The following PTPRN2 variants were observed in gnomAD, a reference collection of about 807,000 sequenced individuals.
PTPRN2 encodes protein tyrosine phosphatase receptor type N2.
PTPRN2 carries 74 observed loss-of-function variants against 118.8 expected under a neutral mutation model. That is an observed-to-expected ratio of 0.62 (90% CI 0.52 to 0.76). The LOEUF is 0.76. Ranked by LOEUF, PTPRN2 falls within the 30% of genes least tolerant of loss-of-function variation. The pLI, the probability that PTPRN2 is intolerant of heterozygous loss-of-function variation, is 0.00. For synonymous variants in PTPRN2, 641 were observed against 608.0 expected, an observed-to-expected ratio of 1.05 and a Z score of -0.80; for missense variants, 1,481 against 1,394.4, an observed-to-expected ratio of 1.06 and a Z score of -0.99.
chr7:157,710,713 C>T (rs555966065), intron 12 of PTPRN2, among the ~76,000 whole-genome samples: 36 of 152,312 alleles, frequency 2.4e-4, no homozygotes, highest in African/African-American at 7.9e-4. Flanking sequence ...GTGCCTACTG[C>T]CTGCCGCCTG....
chr7:158,021,726 A>T (rs1390198405), intron 11 of PTPRN2, among the ~76,000 whole-genome samples: 1 of 152,100 alleles, frequency 6.6e-6, no homozygotes, highest in African/African-American at 2.4e-5. Context: ...CCCCACCTCG[A>T]TCTCTGATGT....
chr7:158,106,188 T>C (rs368533577), intron 10 of PTPRN2, among the ~76,000 whole-genome samples: 1 of 151,864 alleles, frequency 6.6e-6, no homozygotes, highest in Non-Finnish European at 1.5e-5. Context: ...CCCTGATCTA[T>C]CTTAGCTCTA....
intron 12 of PTPRN2, among the ~76,000 whole-genome samples, chr7:157,833,740 G>A (rs1010718804): frequency 1.4e-4 from 21 of 152,222 alleles, no homozygotes; most frequent in Non-Finnish European, 2.4e-4. Flanking sequence ...GATCTTATCC[G>A]CTGCTTCAAT....
chr7:157,756,602 G>C (rs1030653654), intron 12 of PTPRN2, among the ~76,000 whole-genome samples: 20 of 152,174 alleles, frequency 1.3e-4, no homozygotes, highest in Non-Finnish European at 2.6e-4. Flanking sequence ...TCAGCCTCCT[G>C]TTTTGTGGAG....
At position 158,557,135 on chromosome 7, in the gene PTPRN2, G is replaced by A. The variant is rs1467882701; in HGVS notation, c.112+30423C>T. On this transcript the variant is annotated intron_variant, in intron 1 of 22. Coordinates refer to ENST00000389418, the MANE Select transcript of PTPRN2 (RefSeq NM_002847.5). Reference sequence around the variant, plus strand: ...CAGGTCGCTCCCGCGCAGGGCAGGCGGCTCCCGGGCAGGGCAGGCGGCTCC... The same window carrying A: ...CAGGTCGCTCCCGCGCAGGGCAGGCAGCTCCCGGGCAGGGCAGGCGGCTCC... Among the ~76,000 whole-genome samples, 8 of 117,300 alleles carry A rather than the reference G, an allele frequency of 6.8e-5. No homozygotes were observed. In the East Asian group the frequency reaches 1.1e-3, roughly 17 times the overall value. The allele number at this position is 117,300 out of a possible 152,430, so 77.0% of individuals were successfully genotyped here. A position where few individuals can be genotyped will look rare whatever the true frequency, so the allele number is the denominator to read the frequency against.
In PTPRN2 at chr7:157,729,445, C is replaced by T. The variant is rs962085772; in HGVS notation, c.1789-46508G>A. Among the ~76,000 whole-genome samples, 1 of 152,110 alleles carries T rather than the reference C, an allele frequency of 6.6e-6. No homozygotes were observed. Among genetic ancestry groups the T allele is most frequent in the Admixed American group, 6.5e-5 (1 of 15,274 alleles). ...TCAGCAGCTCCGTGCATAGGGACTC[C>T]TGGGAAGACTTCTCTTTGAGGAAAT... On this transcript the variant is annotated intron_variant, in intron 12 of 22. Coordinates refer to ENST00000389418, the MANE Select transcript of PTPRN2 (RefSeq NM_002847.5). This position sits in a 1 kb window ranked among gnomAD's most constrained non-coding sequence, Gnocchi z 4.3.
intron 2 of PTPRN2, among the ~76,000 whole-genome samples, chr7:158,487,986 C>T (rs950220329): frequency 6.6e-6 from 1 of 151,812 alleles, no homozygotes; most frequent in East Asian, 1.9e-4. Context: ...GATGTTGAGA[C>T]GACTCTATGT....
chr7:157,832,441 TG>T (rs1490953457), intron 12 of PTPRN2, among the ~76,000 whole-genome samples: 1 of 152,096 alleles, frequency 6.6e-6, no homozygotes, highest in Non-Finnish European at 1.5e-5. Context: ...TTTGGGAAGG[TG>T]GAAGTCAAGA....
intron 11 of PTPRN2, among the ~76,000 whole-genome samples, chr7:158,075,281 C>T (rs893637171): frequency 6.6e-5 from 10 of 152,184 alleles, no homozygotes; most frequent in Non-Finnish European, 1.0e-4. Context: ...CCATCCAAAC[C>T]GAAACTTGTT....
intron 9 of PTPRN2, among the ~76,000 whole-genome samples, chr7:158,131,613 C>T (rs758964474): frequency 5.1e-4 from 77 of 151,712 alleles, no homozygotes; most frequent in Non-Finnish European, 4.9e-4. Context: ...CAAACCAATA[C>T]ACATCTACCC....
At chr7:157,775,331 C>T (rs1414101866) in intron 12 of PTPRN2, among the ~76,000 whole-genome samples, 1 of 152,220 alleles carries the variant, frequency 6.6e-6, no homozygotes, top group Non-Finnish European at 1.5e-5. Flanking sequence ...GCCGCAGTGG[C>T]CAGGCTACCT....
At chr7:157,882,800 G>C (rs2151289627) in intron 12 of PTPRN2, among the ~76,000 whole-genome samples, 1 of 149,146 alleles carries the variant, frequency 6.7e-6, no homozygotes, top group South Asian at 2.1e-4. Flanking sequence ...GACTATCAGA[G>C]ACCAGAACAC....
chr7:157,595,593 T>TTAGGAAGCCAGGAG (rs1563245622), intron 16 of PTPRN2, among the ~76,000 whole-genome samples: 1 of 72,076 alleles, frequency 1.4e-5, no homozygotes, highest in African/African-American at 9.2e-5. Flanking sequence ...GGAAGCCTGG[T>TTAGGAAGCCAGGAG]GTTTAGGAAG....
chr7:158,528,958 C>T lies in PTPRN2; in HGVS notation c.113-39173G>A, dbSNP rs1414109301. ...GTGATGAGGGGTGGAAACACCAGCTCCTCAGGGGGCCAGCCCTGTGAGGGA... is the reference window on the plus strand; with the variant it reads ...GTGATGAGGGGTGGAAACACCAGCTTCTCAGGGGGCCAGCCCTGTGAGGGA... On this transcript the variant is annotated intron_variant, in intron 1 of 22. Coordinates refer to ENST00000389418, the MANE Select transcript of PTPRN2 (RefSeq NM_002847.5). Among the ~76,000 whole-genome samples the T allele has an allele frequency of 7.9e-5, 12 of 152,306 alleles. No homozygotes were observed. In the East Asian group the frequency reaches 2.1e-3, roughly 27 times the overall value.
rs748748228 is a variant in PTPRN2, at chr7:158,192,366, G to A, written c.510C>T (p.Leu170=). 1.6e-5 allele frequency: 25 copies of A among 1,522,722 alleles called. No individual in the cohort carries two copies. Among genetic ancestry groups the A allele is most frequent in the Admixed American group, 5.2e-5 (2 of 38,530 alleles). 94.3% of individuals were successfully genotyped at this position (1,522,722 alleles called of 1,614,324 possible). The change falls in exon 5 of 23, where the codon CTC becomes CTT. Residue 170 remains leucine, a synonymous_variant. Transcript: ENST00000389418. ...ALSQAPASDV[L]ARTHTAQDRP... is the part of the protein sequence containing the mutation. Reference sequence around the variant, plus strand: ...TGTCCTGCGCCGTATGGGTCCTGGCGAGCACGTCTGAGGCTGGGGCCTGGG... The same window carrying A: ...TGTCCTGCGCCGTATGGGTCCTGGCAAGCACGTCTGAGGCTGGGGCCTGGG...
chr7:158,395,723 G>T, intron 2 of PTPRN2, among the ~76,000 whole-genome samples: 1 of 92,760 alleles, frequency 1.1e-5, no homozygotes, highest in Non-Finnish European at 2.3e-5. Context: ...GGGGCGAGGC[G>T]CGAGGGGAGA....
chr7:158,456,568 C>T (rs1586718352), intron 2 of PTPRN2, among the ~76,000 whole-genome samples: 4 of 151,422 alleles, frequency 2.6e-5, no homozygotes, highest in South Asian at 2.1e-4. Context: ...CGGATGCCAT[C>T]GGCCACGGCC....
chr7:158,342,779 C>T (rs1807150631), intron 2 of PTPRN2, among the ~76,000 whole-genome samples: 1 of 152,164 alleles, frequency 6.6e-6, no homozygotes. Context: ...GAAAGTCTGA[C>T]TGACACTTAG....
rs567509488 is a variant in PTPRN2, at chr7:157,893,545, C to A, written c.1788+5128G>T. On this transcript the variant is annotated intron_variant, in intron 12 of 22. Transcript: ENST00000389418. This position sits in a 1 kb window ranked among gnomAD's most constrained non-coding sequence, Gnocchi z 4.0. ...AATCTACTTCCTAGACAGAGCTTCACAAGGAGCAGTGATGCCATTTCCATT... is the reference window on the plus strand; with the variant it reads ...AATCTACTTCCTAGACAGAGCTTCAAAAGGAGCAGTGATGCCATTTCCATT... Among the ~76,000 whole-genome samples the A allele has an allele frequency of 6.3e-4, 96 of 152,306 alleles. No homozygotes were observed. The highest frequency in any genetic ancestry group is 2.2e-3 in the African/African-American group (93 of 41,572).
Sources: allele counts gnomAD v4.1 joint callset (sites outside exome capture counted in the v4.1 genomes callset), GRCh38; gene constraint gnomAD v4.1.1; non-coding constraint Gnocchi (gnomAD v3.1); transcripts MANE v1.5; gene names NCBI Gene and HGNC (gene_info 2026-07-23, HGNC 2026-07-21).